The following ANKRD30B variants were observed in gnomAD, a reference collection of about 807,000 sequenced individuals.
ANKRD30B encodes ankyrin repeat domain-containing protein 30B.
A neutral mutation model predicts 202.2 loss-of-function variants in ANKRD30B; 144 were observed. That is an observed-to-expected ratio of 0.71 (90% CI 0.62 to 0.82). The LOEUF (loss-of-function observed/expected upper bound fraction) is 0.82. Among genes scored for constraint, ANKRD30B ranks in the 40% least tolerant of loss-of-function variants. The pLI is 0.00. For missense variants in ANKRD30B, 1,487 were observed against 1,669.1 expected, an observed-to-expected ratio of 0.89 and a Z score of 1.90; for synonymous variants, 508 against 561.3, an observed-to-expected ratio of 0.91 and a Z score of 1.34.
At chr18:14,937,368 C>G in the ANKRD30B span, among the ~76,000 whole-genome samples, 1 of 152,156 alleles carries the variant, frequency 6.6e-6, no homozygotes, top group Non-Finnish European at 1.5e-5. Flanking sequence ...TTAGAGTAAA[C>G]GGGGGTTCAG....
chr18:14,763,635 A>G (rs1915611020), intron 6 of ANKRD30B, 51 bp from the exon 7 acceptor site: 1 of 1,592,638 alleles, frequency 6.3e-7, no homozygotes, highest in East Asian at 2.2e-5. Context: ...TGAAGTCAGG[A>G]GGATGATATT....
intron 10 of ANKRD30B, 64 bp from the exon 11 acceptor site, chr18:14,779,896 A>G (rs1049606375): frequency 1.7e-4 from 197 of 1,126,052 alleles, no homozygotes; most frequent in Admixed American, 3.1e-4. Flanking sequence ...ATAGATTTGT[A>G]TATGTTTTTA....
the ANKRD30B span, among the ~76,000 whole-genome samples, chr18:14,867,503 A>G: frequency 6.6e-6 from 1 of 152,140 alleles, no homozygotes; most frequent in East Asian, 1.9e-4. Flanking sequence ...TTTCACGGCA[A>G]TCCTCTGACC....
chr18:14,754,444 G>C (rs1460489694), intron 3 of ANKRD30B, among the ~76,000 whole-genome samples: 2 of 152,158 alleles, frequency 1.3e-5, no homozygotes, highest in East Asian at 1.9e-4. Flanking sequence ...ATAGATAATG[G>C]TGGAATCTGT....
At position 14,770,116 on chromosome 18, in the gene ANKRD30B, C is replaced by CT. The variant is rs1966900356; in HGVS notation, c.1256+750dup. Among the ~76,000 whole-genome samples, 3 of 152,050 alleles carry CT rather than the reference C, an allele frequency of 2.0e-5. No individual in the cohort carries two copies. The South Asian group carries it at 6.2e-4, about 32-fold the overall frequency. On this transcript the variant is annotated intron_variant, in intron 8 of 43. Transcript: ENST00000690538. ...GCATTTTTCATTTTTTTTCTAGAGT[C>CT]TTTTTTTCTTCTTCCATGACTTTTC...
intron 34 of ANKRD30B, among the ~76,000 whole-genome samples, chr18:14,833,110 T>C (rs546111013): frequency 2.6e-4 from 40 of 151,688 alleles, no homozygotes; most frequent in African/African-American, 9.0e-4. Flanking sequence ...CTAATTTTTG[T>C]ATTTTTAGTA....
intron 40 of ANKRD30B, among the ~76,000 whole-genome samples, chr18:14,849,142 G>T (rs1303917327): frequency 6.6e-6 from 1 of 151,588 alleles, no homozygotes; most frequent in African/African-American, 2.4e-5. Flanking sequence ...AATTTTAATG[G>T]CTATATAGAA....
At chr18:14,765,830 GA>G (rs1326581140) in intron 7 of ANKRD30B, among the ~76,000 whole-genome samples, 5 of 152,106 alleles carry the variant, frequency 3.3e-5, no homozygotes, top group Non-Finnish European at 2.9e-5. Context: ...ATCAAGTTCA[GA>G]AGCTCAATTT....
chr18:14,806,081 G>A (rs1378263346), intron 24 of ANKRD30B, among the ~76,000 whole-genome samples: 2 of 149,686 alleles, frequency 1.3e-5, no homozygotes, highest in Non-Finnish European at 3.0e-5. Flanking sequence ...TTAGCCGGGC[G>A]TGGCGGTGGG....
intron 15 of ANKRD30B, among the ~76,000 whole-genome samples, chr18:14,790,163 GA>G (rs1054836812): frequency 3.3e-5 from 5 of 152,126 alleles, no homozygotes; most frequent in African/African-American, 1.2e-4. Flanking sequence ...TTGTGAATGG[GA>G]GTTCACTCAT....
the ANKRD30B span, among the ~76,000 whole-genome samples, chr18:14,884,387 A>G: frequency 6.6e-6 from 1 of 152,134 alleles, no homozygotes; most frequent in African/African-American, 2.4e-5. Flanking sequence ...CTGAACAAAA[A>G]CACTGTGCTG....
At chr18:14,790,186 C>G (rs890320102) in intron 15 of ANKRD30B, among the ~76,000 whole-genome samples, 32 of 152,120 alleles carry the variant, frequency 2.1e-4, no homozygotes, top group African/African-American at 7.2e-4. Context: ...ATTTGGCTCT[C>G]TGTTTGTCTG....
the ANKRD30B span, among the ~76,000 whole-genome samples, chr18:14,940,307 C>T: frequency 1.3e-5 from 2 of 152,162 alleles, no homozygotes; most frequent in East Asian, 1.9e-4. Flanking sequence ...AGCATCTCTC[C>T]GAAAACAAGC....
At chr18:14,879,198 AATCAGGGTCAGAG>A in the ANKRD30B span, among the ~76,000 whole-genome samples, 1 of 152,126 alleles carries the variant, frequency 6.6e-6, no homozygotes, top group Non-Finnish European at 1.5e-5. Context: ...AGCCCTGAAT[AATCAGGGTCAGAG>A]ACCAGTTAGA....
In ANKRD30B at chr18:14,851,977, A is replaced by G. The variant is rs1971902657; in HGVS notation, c.4033A>G (p.Asn1345Asp). ...NVDVSNTIYN[N>D]EVLHQPLYEA... Reference sequence around the variant, plus strand: ...TGATGTGAGTAATACAATATATAACAATGAGGTGCTCCATCAACCACTTTA... The same window carrying G: ...TGATGTGAGTAATACAATATATAACGATGAGGTGCTCCATCAACCACTTTA... The change falls in exon 42 of 44, where the codon AAT becomes GAT. Residue 1345 changes from asparagine to aspartate, a missense_variant. Asn to Asp is a conservative substitution (Grantham distance 23). Coordinates refer to ENST00000690538, the MANE Select transcript of ANKRD30B (RefSeq NM_001367607.2). 1.2e-6 allele frequency: 2 copies of G among 1,600,614 alleles called. No individual in the cohort carries two copies. The highest frequency in any genetic ancestry group is 1.3e-5 in the African/African-American group (1 of 74,330).
intron 32 of ANKRD30B, among the ~76,000 whole-genome samples, chr18:14,823,819 A>G (rs994697015): frequency 1.3e-5 from 2 of 152,112 alleles, no homozygotes; most frequent in African/African-American, 4.8e-5. Flanking sequence ...ACTAAAAATA[A>G]CAAACAATAG....
intron 12 of ANKRD30B, 105 bp from the exon 13 acceptor site, chr18:14,784,231 C>A: frequency 8.4e-7 from 1 of 1,183,482 alleles, no homozygotes; most frequent in East Asian, 2.4e-5. Context: ...ACTATTCATT[C>A]TCAAAGTCAA....
chr18:14,791,254 G>T (rs1345861753), intron 15 of ANKRD30B, 147 bp from the exon 16 acceptor site: 5 of 606,336 alleles, frequency 8.2e-6, no homozygotes, highest in Non-Finnish European at 1.4e-5. Context: ...AAAATGTTTT[G>T]ATTTTCTATA....
rs768376526 is a variant in ANKRD30B at position 14,754,904 on chromosome 18, C to G, written c.516C>G (p.Ser172Arg). 4 of 1,529,794 alleles carry G rather than the reference C, an allele frequency of 2.6e-6. No homozygotes were observed. Among genetic ancestry groups the G allele is most frequent in the Admixed American group, 2.3e-5 (1 of 44,036 alleles). The allele number at this position is 1,529,794 out of a possible 1,614,324, so 94.8% of individuals were successfully genotyped here. ...GAVIEVQNKA[S>R]LTPLLLAIQK... Reference sequence around the variant, plus strand: ...ATTGTTCTGCTATTTTACAGGCTAGCCTCACACCCCTTTTACTGGCCATAC... The same window carrying G: ...ATTGTTCTGCTATTTTACAGGCTAGGCTCACACCCCTTTTACTGGCCATAC... The change falls in exon 4 of 44, where the codon AGC becomes AGG. Residue 172 changes from serine to arginine, a missense_variant. Physicochemically the swap from Ser to Arg is moderately radical, Grantham distance 110. Around this residue, in one of 6 missense-constraint regions of ANKRD30B, gnomAD observed 889 missense variants for 841.4 expected, o/e 1.06. Transcript: ENST00000690538.
Sources: gnomAD v4.1 joint callset for allele counts (sites outside exome capture counted in the v4.1 genomes callset) on GRCh38, gnomAD v4.1.1 for gene constraint, gnomAD v4.1.1 regional missense constraint, MANE v1.5 for transcripts, NCBI Gene and HGNC (gene_info 2026-07-23, HGNC 2026-07-21) for gene names.